SOX5: variants seen among roughly 807,000 people sequenced by gnomAD.
SOX5 encodes transcription factor SOX-5.
SOX5 carries 9 observed loss-of-function variants against 92.0 expected under a neutral mutation model. The ratio of observed to expected loss-of-function variants is 0.10; its 90% confidence interval spans 0.06 to 0.17. SOX5 has a LOEUF of 0.17. Ranked by LOEUF, SOX5 falls within the 10% of genes least tolerant of loss-of-function variation. SOX5 has a pLI of 1.00. For synonymous variants in SOX5, 344 were observed against 336.3 expected (o/e 1.02, Z -0.25); for missense variants, 642 against 944.5 (o/e 0.68, Z 4.20).
intron 9 of SOX5, among the ~76,000 whole-genome samples, chr12:23,583,665 G>T (rs1950340722): frequency 1.3e-5 from 2 of 152,098 alleles, no homozygotes; most frequent in South Asian, 4.1e-4. Context: ...GAAGCATAGA[G>T]CAGTAAGAAT....
chr12:24,364,008 C>A (rs1308909696), intron 2 of SOX5, among the ~76,000 whole-genome samples: 2 of 152,176 alleles, frequency 1.3e-5, no homozygotes, highest in African/African-American at 2.4e-5. Flanking sequence ...CGTCGGCAGG[C>A]ATTTTTAGAA....
chr12:24,074,706 T>TGTTAAAGA (rs1328434905), intron 4 of SOX5, among the ~76,000 whole-genome samples: 1 of 150,128 alleles, frequency 6.7e-6, no homozygotes, highest in African/African-American at 2.4e-5. Flanking sequence ...AATTTGTATG[T>TGTTAAAGA]GTTAAAGAAA....
At chr12:24,106,350 G>A (rs1438567235) in intron 4 of SOX5, among the ~76,000 whole-genome samples, 1 of 152,172 alleles carries the variant, frequency 6.6e-6, no homozygotes, top group Non-Finnish European at 1.5e-5. Context: ...AAATGGGACT[G>A]TGGATACTTA....
At chr12:24,011,765 T>C (rs1460814728) in intron 4 of SOX5, among the ~76,000 whole-genome samples, 1 of 152,000 alleles carries the variant, frequency 6.6e-6, no homozygotes, top group East Asian at 1.9e-4. Flanking sequence ...GTGAAACTTA[T>C]CCCCTATTGC....
At chr12:23,535,422 T>C (rs534657981) in intron 14 of SOX5, among the ~76,000 whole-genome samples, 70 of 152,234 alleles carry the variant, frequency 4.6e-4, no homozygotes, top group Non-Finnish European at 9.8e-4. Context: ...ATACTTGGTT[T>C]AAAGTTGTGC....
At chr12:23,686,765 C>T (rs1046499806) in intron 6 of SOX5, among the ~76,000 whole-genome samples, 3 of 151,886 alleles carry the variant, frequency 2.0e-5, no homozygotes, top group Non-Finnish European at 4.4e-5. Context: ...CAAGACTATG[C>T]CTCTTGAAAG....
intron 3 of SOX5, among the ~76,000 whole-genome samples, chr12:24,242,717 C>T (rs1437254936): frequency 6.9e-5 from 3 of 43,748 alleles, no homozygotes; most frequent in East Asian, 6.0e-4. Context: ...CTGCAGGGGG[C>T]GGTGGGGGTG....
chr12:24,047,962 G>C (rs1957212480), intron 4 of SOX5, among the ~76,000 whole-genome samples: 1 of 152,138 alleles, frequency 6.6e-6, no homozygotes. Flanking sequence ...CTTTTCTTCA[G>C]TTAGGAGCTT....
At chr12:24,023,145 G>A (rs894390182) in intron 4 of SOX5, among the ~76,000 whole-genome samples, 2 of 152,124 alleles carry the variant, frequency 1.3e-5, no homozygotes, top group African/African-American at 2.4e-5. Flanking sequence ...ATAATTCCCA[G>A]GGAGTATTTA....
intron 6 of SOX5, among the ~76,000 whole-genome samples, chr12:23,696,556 G>A (rs548895528): frequency 6.6e-6 from 1 of 151,890 alleles, no homozygotes; most frequent in Non-Finnish European, 1.5e-5. Flanking sequence ...TAATACCAGA[G>A]AATAAACTTT....
At chr12:23,691,127 A>C (rs1429105951) in intron 6 of SOX5, among the ~76,000 whole-genome samples, 1 of 152,206 alleles carries the variant, frequency 6.6e-6, no homozygotes, top group South Asian at 2.1e-4. Flanking sequence ...AGCAGTGAGA[A>C]GGGAAATTTA....
intron 4 of SOX5, among the ~76,000 whole-genome samples, chr12:24,141,001 T>C (rs1353181794): frequency 6.6e-6 from 1 of 152,096 alleles, no homozygotes; most frequent in Non-Finnish European, 1.5e-5. Context: ...AATCCTCAAA[T>C]ACTTCTAAGA....
At chr12:23,979,707 GTTTTTTTT>G (rs1177945407) in intron 4 of SOX5, among the ~76,000 whole-genome samples, 3 of 77,472 alleles carry the variant, frequency 3.9e-5, no homozygotes, top group African/African-American at 5.5e-5. Context: ...TGTTTTTTTT[GTTTTTTTT>G]TTTTTTTTTT....
chr12:23,692,391 T>C (rs1379721285), intron 6 of SOX5, among the ~76,000 whole-genome samples: 4 of 148,128 alleles, frequency 2.7e-5, no homozygotes, highest in Non-Finnish European at 4.4e-5. Context: ...GAGCTGAGAT[T>C]GCACCACTGC....
chr12:24,447,003 A>G (rs1325521350), intron 1 of SOX5, among the ~76,000 whole-genome samples: 1 of 152,238 alleles, frequency 6.6e-6, no homozygotes, highest in Non-Finnish European at 1.5e-5. Context: ...ACAAATATCC[A>G]TGAGTCCATA....
intron 1 of SOX5, among the ~76,000 whole-genome samples, chr12:24,526,740 A>T (rs1252870771): frequency 5.3e-5 from 8 of 151,808 alleles, no homozygotes; most frequent in Non-Finnish European, 1.2e-4. Flanking sequence ...TTCCCTGACC[A>T]CCCCAACCAA....
chr12:24,147,419 C>G (rs986815739), intron 4 of SOX5, among the ~76,000 whole-genome samples: 1 of 152,132 alleles, frequency 6.6e-6, no homozygotes, highest in East Asian at 1.9e-4. Context: ...GTATAGGAAG[C>G]AATATTCTCA....
chr12:24,113,629 T>G (rs561691223), intron 4 of SOX5, among the ~76,000 whole-genome samples: 2 of 152,090 alleles, frequency 1.3e-5, no homozygotes, highest in Non-Finnish European at 2.9e-5. Context: ...ATAAAAAGTT[T>G]AAAAAATGAA....
At chr12:24,005,504 A>G (rs972830) in intron 4 of SOX5, among the ~76,000 whole-genome samples, 143,624 of 152,220 alleles carry the variant, frequency 0.94, 68,297 homozygotes, top group South Asian at 1. Context: ...TGTCTGGCAT[A>G]CAGTTCCAGA....
Sources: allele counts gnomAD v4.1 joint callset (sites outside exome capture counted in the v4.1 genomes callset), GRCh38; gene constraint gnomAD v4.1.1; transcripts MANE v1.5; gene names NCBI Gene and HGNC (gene_info 2026-07-23, HGNC 2026-07-21).